Variants in SLC39A11 observed in about 807,000 individuals in gnomAD.
SLC39A11 encodes zinc transporter ZIP11.
Under a neutral mutation model 36.1 loss-of-function variants are expected in SLC39A11, and 33 were observed. The ratio of observed to expected loss-of-function variants is 0.91; its 90% confidence interval spans 0.69 to 1.22. SLC39A11 has a LOEUF of 1.22. SLC39A11 is among the 50% of genes most tolerant of loss of function. The pLI, the probability that SLC39A11 is intolerant of heterozygous loss-of-function variation, is 0.00. For missense variants in SLC39A11, 432 were observed against 430.3 expected (o/e 1.00, Z -0.03); for synonymous variants, 166 against 170.3 (o/e 0.97, Z 0.20).
chr17:72,962,987 G>T (rs2086712310), intron 4 of SLC39A11, among the ~76,000 whole-genome samples: 1 of 151,968 alleles, frequency 6.6e-6, no homozygotes. Context: ...CTCAAGGAAG[G>T]CCCACTCTCT....
intron 3 of SLC39A11, among the ~76,000 whole-genome samples, chr17:73,042,763 T>C (rs1432299848): frequency 1.3e-5 from 2 of 152,092 alleles, no homozygotes; most frequent in African/African-American, 4.8e-5. Context: ...GAACACGCCA[T>C]TGCACTGCAG....
intron 3 of SLC39A11, chr17:73,072,185 T>A (rs575339927): frequency 1.1e-4 from 16 of 152,290 alleles, no homozygotes; most frequent in African/African-American, 3.6e-4. Context: ...CAGGGAAGGA[T>A]GCCCCCAAAC....
intron 4 of SLC39A11, among the ~76,000 whole-genome samples, chr17:72,993,970 T>C (rs963762610): frequency 1.3e-5 from 2 of 152,066 alleles, no homozygotes; most frequent in Non-Finnish European, 2.9e-5. Flanking sequence ...TGGGGGCGGG[T>C]GTTTCCCGTG....
At chr17:72,826,503 C>T (rs2078034465) in intron 6 of SLC39A11, among the ~76,000 whole-genome samples, 1 of 152,172 alleles carries the variant, frequency 6.6e-6, no homozygotes. Flanking sequence ...CTAATTGGAA[C>T]TATACTTTCT....
chr17:73,085,649 A>G (rs2060704465), intron 2 of SLC39A11, among the ~76,000 whole-genome samples: 1 of 151,628 alleles, frequency 6.6e-6, no homozygotes, highest in South Asian at 2.1e-4. Context: ...CCTCAAAAAA[A>G]AAAAAAAAAA....
intron 6 of SLC39A11, among the ~76,000 whole-genome samples, chr17:72,806,084 T>C (rs1477820312): frequency 6.6e-6 from 1 of 152,130 alleles, no homozygotes; most frequent in East Asian, 1.9e-4. Context: ...AACCTGACTT[T>C]AAAGCTGGGA....
In SLC39A11 at chr17:72,917,028, C is replaced by T. The variant is rs573083568; in HGVS notation, c.430+30724G>A. On this transcript the variant is annotated intron_variant, in intron 5 of 9. Transcript: ENST00000255559. Reference sequence around the variant, plus strand: ...GGACCAGTACAAACGTCATGATTTACTGGGGGATGACCACTCTATCTTCAG... The same window carrying T: ...GGACCAGTACAAACGTCATGATTTATTGGGGGATGACCACTCTATCTTCAG... 4.6e-5 allele frequency among the ~76,000 whole-genome samples: 7 copies of T among 152,312 alleles called. No homozygotes were observed. The East Asian group carries it at 1.4e-3, about 29-fold the overall frequency.
intron 6 of SLC39A11, among the ~76,000 whole-genome samples, chr17:72,782,893 T>C (rs753191853): frequency 8.7e-5 from 13 of 148,698 alleles, no homozygotes; most frequent in Non-Finnish European, 1.6e-4. Context: ...TGCTAGCTAC[T>C]CGGGAGGCTG....
intron 3 of SLC39A11, among the ~76,000 whole-genome samples, chr17:73,046,633 G>A (rs1419334535): frequency 6.6e-6 from 1 of 152,000 alleles, no homozygotes; most frequent in Non-Finnish European, 1.5e-5. Flanking sequence ...CTCTGTCTCT[G>A]TCTCTCTTTC....
intron 4 of SLC39A11, among the ~76,000 whole-genome samples, chr17:72,979,428 G>A (rs1008529734): frequency 1.3e-5 from 2 of 152,244 alleles, no homozygotes; most frequent in Admixed American, 6.5e-5. Context: ...CCTGGACTCC[G>A]AGAGCACATC....
chr17:72,966,705 G>A (rs544545522), intron 4 of SLC39A11, among the ~76,000 whole-genome samples: 180 of 152,256 alleles, frequency 1.2e-3, no homozygotes, highest in Non-Finnish European at 1.9e-3. Context: ...GAGTAGCTGG[G>A]ACTACAGGCG....
intron 7 of SLC39A11, among the ~76,000 whole-genome samples, chr17:72,688,448 A>G (rs4290517): frequency 0.62 from 94,583 of 152,128 alleles, 29,754 homozygotes; most frequent in South Asian, 0.71. Context: ...CCAACTGGCG[A>G]CTGCCAGGCC....
At chr17:72,945,313 C>T (rs778755075) in intron 5 of SLC39A11, among the ~76,000 whole-genome samples, 47 of 152,118 alleles carry the variant, frequency 3.1e-4, no homozygotes, top group African/African-American at 1.1e-3. Context: ...TTCCTCTGGT[C>T]GAACCAATTA....
intron 5 of SLC39A11, among the ~76,000 whole-genome samples, chr17:72,945,495 C>T (rs893167339): frequency 6.6e-6 from 1 of 152,134 alleles, no homozygotes; most frequent in African/African-American, 2.4e-5. Context: ...TATCAAATAG[C>T]CATTATCAGT....
At chr17:72,790,003 G>C (rs1465900791) in intron 6 of SLC39A11, among the ~76,000 whole-genome samples, 2 of 152,198 alleles carry the variant, frequency 1.3e-5, no homozygotes, top group African/African-American at 4.8e-5. Context: ...AGAATGCTAT[G>C]AAAGCTCAAA....
intron 7 of SLC39A11, among the ~76,000 whole-genome samples, chr17:72,692,508 A>G (rs1449292519): frequency 6.6e-6 from 1 of 152,192 alleles, no homozygotes; most frequent in African/African-American, 2.4e-5. Flanking sequence ...GGTGGCAGCA[A>G]GAGAAAATGA....
Position 72,871,747 on chromosome 17 carries a change from T to C in SLC39A11, c.431-21943A>G, listed in dbSNP as rs115592188. ...TTGGGTCCTTTTATAATAAATTGATTACCTGTAAGTAAATTGTTTTCCTGA... is the reference window on the plus strand; with the variant it reads ...TTGGGTCCTTTTATAATAAATTGATCACCTGTAAGTAAATTGTTTTCCTGA... On this transcript the variant is annotated intron_variant, in intron 5 of 9. Coordinates refer to ENST00000255559, the MANE Select transcript of SLC39A11 (RefSeq NM_139177.4). Among the ~76,000 whole-genome samples the C allele has an allele frequency of 4.3e-3, 655 of 152,278 alleles. 5 individuals carry two copies. The highest frequency in any genetic ancestry group is 0.015 in the African/African-American group (623 of 41,544).
At chr17:72,767,438 C>A (rs888726099) in intron 6 of SLC39A11, among the ~76,000 whole-genome samples, 1 of 152,186 alleles carries the variant, frequency 6.6e-6, no homozygotes, top group African/African-American at 2.4e-5. Context: ...CTGCAATAAG[C>A]AAAGCAGTGC....
intron 5 of SLC39A11, among the ~76,000 whole-genome samples, chr17:72,881,864 C>T (rs573148735): frequency 1.7e-3 from 265 of 152,262 alleles, no homozygotes; most frequent in African/African-American, 6.2e-3. Flanking sequence ...AGCTTTTCTT[C>T]GGCAGCCACA....
Sources: gnomAD v4.1 joint callset for allele counts (sites outside exome capture counted in the v4.1 genomes callset) on GRCh38, gnomAD v4.1.1 for gene constraint, MANE v1.5 for transcripts, NCBI Gene and HGNC (gene_info 2026-07-23, HGNC 2026-07-21) for gene names.